The following CORIN variants were observed in gnomAD, a reference collection of about 807,000 sequenced individuals.
CORIN encodes the protein atrial natriuretic peptide-converting enzyme.
CORIN carries 117 observed loss-of-function variants against 125.3 expected under a neutral mutation model. The ratio of observed to expected loss-of-function variants is 0.93; its 90% confidence interval spans 0.80 to 1.09. CORIN has a LOEUF of 1.09. CORIN is among the 50% of genes least tolerant of loss of function. The pLI, the probability that CORIN is intolerant of heterozygous loss-of-function variation, is 0.00. For missense variants in CORIN, 1,253 were observed against 1,306.7 expected (o/e 0.96, Z 0.63); for synonymous variants, 450 against 466.4 (o/e 0.96, Z 0.45).
Position 47,747,535 on chromosome 4 carries a change from T to C in CORIN, c.618-2952A>G, listed in dbSNP as rs147535257. 3.1e-3 allele frequency among the ~76,000 whole-genome samples: 473 copies of C among 151,642 alleles called. 2 individuals are homozygous for C. Among genetic ancestry groups the C allele is most frequent in the Middle Eastern group, 6.8e-3 (2 of 294 alleles). ...TATTTCATTTCATTTCATTTCATTT[T>C]ATTTATCATTCTACATCTTTTCTTA... On this transcript the variant is annotated intron_variant, in intron 4 of 21. Transcript: ENST00000273857.
chr4:47,825,903 C>T (rs1358985932), intron 1 of CORIN, among the ~76,000 whole-genome samples: 2 of 151,794 alleles, frequency 1.3e-5, no homozygotes, highest in African/African-American at 2.4e-5. Context: ...AGGGATTCAC[C>T]GTGTTGTCCG....
At chr4:47,753,257 A>G (rs1728988663) in intron 4 of CORIN, among the ~76,000 whole-genome samples, 1 of 152,234 alleles carries the variant, frequency 6.6e-6, no homozygotes, top group Non-Finnish European at 1.5e-5. Context: ...TTAAAGGGCA[A>G]TAAAGATCAC....
intron 5 of CORIN, among the ~76,000 whole-genome samples, chr4:47,723,144 C>G (rs973926745): frequency 9.2e-5 from 14 of 152,212 alleles, no homozygotes; most frequent in African/African-American, 3.4e-4. Context: ...GGAAGCTGTA[C>G]TCATGCAACA....
At chr4:47,644,828 T>A (rs1244723219) in intron 14 of CORIN, among the ~76,000 whole-genome samples, 1 of 152,184 alleles carries the variant, frequency 6.6e-6, no homozygotes, top group Non-Finnish European at 1.5e-5. Flanking sequence ...TGTTCCCTAT[T>A]ATTGGATATT....
chr4:47,741,921 C>T (rs961099913), intron 5 of CORIN, among the ~76,000 whole-genome samples: 5 of 151,964 alleles, frequency 3.3e-5, no homozygotes, highest in African/African-American at 4.8e-5. Context: ...TAGCAATTTA[C>T]TGCTAATGCG....
chr4:47,756,637 G>T (rs542356580), intron 4 of CORIN, among the ~76,000 whole-genome samples: 1 of 151,526 alleles, frequency 6.6e-6, no homozygotes, highest in South Asian at 2.1e-4. Flanking sequence ...TCTTAGTCAT[G>T]TGGCTAAGTA....
At chr4:47,809,333 A>G (rs1731949645) in intron 1 of CORIN, among the ~76,000 whole-genome samples, 1 of 150,400 alleles carries the variant, frequency 6.6e-6, no homozygotes, top group African/African-American at 2.5e-5. Flanking sequence ...CAAGTACTGG[A>G]CCTCCAAAAA....
chr4:47,612,752 A>G (rs73140091), intron 19 of CORIN, among the ~76,000 whole-genome samples: 27 of 152,320 alleles, frequency 1.8e-4, no homozygotes, highest in African/African-American at 6.3e-4. Flanking sequence ...AAAAGGATTT[A>G]GGTACTGGGC....
intron 1 of CORIN, among the ~76,000 whole-genome samples, chr4:47,810,284 C>T (rs1732009888): frequency 6.6e-6 from 1 of 151,922 alleles, no homozygotes; most frequent in Non-Finnish European, 1.5e-5. Context: ...GCCTCCTGGG[C>T]TCAAGTGATT....
chr4:47,676,781 A>G (rs1725038011), intron 9 of CORIN, among the ~76,000 whole-genome samples: 1 of 152,228 alleles, frequency 6.6e-6, no homozygotes, highest in Admixed American at 6.6e-5. Flanking sequence ...TTTCATCATG[A>G]AAAATCCAAA....
At chr4:47,681,099 T>C (rs764428198) in intron 7 of CORIN, 12 of 152,230 alleles carry the variant, frequency 7.9e-5, no homozygotes, top group Admixed American at 6.5e-5. Context: ...TGGTATACCC[T>C]GAATATAAGC....
At position 47,595,693 on chromosome 4, in the gene CORIN, T is replaced by C. The variant is rs1435904090; in HGVS notation, c.*28A>G. The stretch of plus-strand genomic sequence containing the variant: ...GAAGGCCATTTTCTTTTAGTGTAGC[T>C]GGCAAAAGTCTCTGATCATCCTTAT... On this transcript the variant is annotated 3_prime_UTR_variant, in exon 22 of 22. Coordinates refer to ENST00000273857, the MANE Select transcript of CORIN (RefSeq NM_006587.4). 1 of 1,561,934 alleles carries C rather than the reference T, an allele frequency of 6.4e-7. No homozygotes were observed. The highest frequency in any genetic ancestry group is 1.9e-5 in the Admixed American group (1 of 52,026).
At chr4:47,770,666 T>C (rs1240166025) in intron 3 of CORIN, among the ~76,000 whole-genome samples, 1 of 152,146 alleles carries the variant, frequency 6.6e-6, no homozygotes, top group African/African-American at 2.4e-5. Context: ...ACATGTAGTA[T>C]ATACACACAA....
In CORIN at chr4:47,799,108, T is replaced by G. The variant is rs1003230486; in HGVS notation, c.208+7795A>C. Among the ~76,000 whole-genome samples, 184 of 101,274 alleles carry G rather than the reference T, an allele frequency of 1.8e-3. No homozygotes were observed. The Middle Eastern group carries it at 0.018, about 10-fold the overall frequency. 66.4% of individuals were successfully genotyped at this position (101,274 alleles called of 152,430 possible). On this transcript the variant is annotated intron_variant, in intron 2 of 21. Transcript: ENST00000273857. ...TATGGCTGCATAGTATCCCATGGGG[T>G]GTGTGTGTGTGTGTGTGTGTGTGTG...
chr4:47,614,661 G>T (rs1441624336), intron 19 of CORIN, among the ~76,000 whole-genome samples: 1 of 152,222 alleles, frequency 6.6e-6, no homozygotes, highest in African/African-American at 2.4e-5. Context: ...ACTCTCTGTA[G>T]AAGAGTTAAC....
intron 11 of CORIN, among the ~76,000 whole-genome samples, chr4:47,662,617 T>C (rs1724302251): frequency 6.6e-6 from 1 of 152,094 alleles, no homozygotes; most frequent in African/African-American, 2.4e-5. Flanking sequence ...AAGAAATTAG[T>C]TACACAGTTA....
chr4:47,654,105 T>A (rs1490345816), intron 12 of CORIN, among the ~76,000 whole-genome samples: 1 of 152,248 alleles, frequency 6.6e-6, no homozygotes, highest in African/African-American at 2.4e-5. Context: ...GAACCAAGGT[T>A]TGATGTTCAC....
At chr4:47,752,337 A>G (rs1404841234) in intron 4 of CORIN, among the ~76,000 whole-genome samples, 1 of 152,146 alleles carries the variant, frequency 6.6e-6, no homozygotes, top group Non-Finnish European at 1.5e-5. Flanking sequence ...TGTTTATTTC[A>G]TCTGCAGCTC....
intron 9 of CORIN, 79 bp from the exon 10 acceptor site, chr4:47,674,579 C>A: frequency 1.2e-6 from 1 of 868,448 alleles, no homozygotes; most frequent in Non-Finnish European, 2.0e-6. Context: ...TCAGGAATGT[C>A]TGATGGAGCT....
Sources: gnomAD v4.1 joint callset for allele counts (sites outside exome capture counted in the v4.1 genomes callset) on GRCh38, gnomAD v4.1.1 for gene constraint, MANE v1.5 for transcripts, NCBI Gene and HGNC (gene_info 2026-07-23, HGNC 2026-07-21) for gene names.